The following STAM2 variants were observed in gnomAD, a reference collection of about 807,000 sequenced individuals.
The protein encoded by STAM2 is signal transducing adaptor molecule 2, also known as signal transducing adapter molecule 2.
Under a neutral mutation model 65.6 loss-of-function variants are expected in STAM2, and 51 were observed. The ratio of observed to expected loss-of-function variants is 0.78; its 90% CI spans 0.62 to 0.98. The LOEUF (loss-of-function observed/expected upper bound fraction) is 0.98. STAM2 is among the 50% of genes least tolerant of loss of function. STAM2 has a pLI of 0.00. For missense variants in STAM2, 584 were observed against 617.8 expected, an observed-to-expected ratio of 0.95 and a Z score of 0.58; for synonymous variants, 198 against 208.4, an observed-to-expected ratio of 0.95 and a Z score of 0.43.
intron 1 of STAM2, among the ~76,000 whole-genome samples, chr2:152,164,206 T>C (rs145561153): frequency 1.3e-5 from 2 of 152,308 alleles, no homozygotes; most frequent in South Asian, 2.1e-4. Context: ...GGCCGACACT[T>C]AGGAAAAATA....
chr2:152,117,916 T>C lies in STAM2; in HGVS notation c.*2658A>G, dbSNP rs1260774772. On this transcript the variant is annotated 3_prime_UTR_variant, in exon 14 of 14. Coordinates refer to ENST00000263904, the MANE Select transcript of STAM2 (RefSeq NM_005843.6). Reference sequence around the variant, plus strand: ...AAATAATTTCAAATCCTAACAAATATAATTACCTAATGTTTAAGTAATTTT... The same window carrying C: ...AAATAATTTCAAATCCTAACAAATACAATTACCTAATGTTTAAGTAATTTT... The C allele has an allele frequency of 6.6e-6, 1 of 152,128 alleles. No homozygotes were observed. The highest frequency in any genetic ancestry group is 1.5e-5 in the Non-Finnish European group (1 of 67,992). The allele number at this position is 152,128 out of a possible 1,614,324, so 9.4% of individuals were successfully genotyped here. A position where few individuals can be genotyped will look rare whatever the true frequency, so the allele number is the denominator to read the frequency against.
At chr2:152,121,260 C>T (rs1369396792) in intron 13 of STAM2, among the ~76,000 whole-genome samples, 1 of 152,200 alleles carries the variant, frequency 6.6e-6, no homozygotes, top group Non-Finnish European at 1.5e-5. Flanking sequence ...AGGCATGAGC[C>T]ACCATGCCGA....
intron 11 of STAM2, among the ~76,000 whole-genome samples, chr2:152,130,488 T>C (rs1579313465): frequency 6.6e-6 from 1 of 151,308 alleles, no homozygotes; most frequent in East Asian, 2.0e-4. Context: ...CCTGACCTCA[T>C]GATCCACCCG....
At chr2:152,138,674 T>C (rs1441261793) in intron 7 of STAM2, among the ~76,000 whole-genome samples, 4 of 152,216 alleles carry the variant, frequency 2.6e-5, no homozygotes, top group African/African-American at 4.8e-5. Flanking sequence ...GAAAGAGTTA[T>C]ATATCATCCA....
rs1385872419 is a variant in STAM2, at chr2:152,132,141, A to T, written c.998T>A (p.Ile333Lys). Reference protein sequence around the residue: ...EDICQQMGPMIDEKLEEIDRK... With the variant: ...EDICQQMGPMKDEKLEEIDRK... ...ATCAATTTCTTCAAGTTTTTCATCT[A>T]TCATTGGACCCATCTGTTGGCAGAT... is the stretch of plus-strand genomic sequence containing the variant. Residue 333 changes from isoleucine (I) to lysine (K), a missense_variant, in exon 11 of 14, where the codon ATA becomes AAA. Ile to Lys is a moderately radical substitution (Grantham distance 102). Transcript: ENST00000263904. The T allele has an allele frequency of 6.2e-7, 1 of 1,611,696 alleles. No homozygotes were observed. Among genetic ancestry groups the T allele is most frequent in the Non-Finnish European group, 8.5e-7 (1 of 1,178,694 alleles).
intron 1 of STAM2, among the ~76,000 whole-genome samples, chr2:152,156,368 A>T (rs1019952070): frequency 4.6e-5 from 7 of 152,204 alleles, no homozygotes; most frequent in Admixed American, 1.3e-4. Context: ...TTATGCACTT[A>T]GGAGTATTTT....
chr2:152,173,063 C>T (rs1445217992), intron 1 of STAM2, among the ~76,000 whole-genome samples: 1 of 151,766 alleles, frequency 6.6e-6, no homozygotes, highest in African/African-American at 2.4e-5. Context: ...TTATGTCTCT[C>T]TGTTTCCTCC....
At chr2:152,151,149 CAGAAGAATTTATA>C (rs940727681) in intron 1 of STAM2, among the ~76,000 whole-genome samples, 2 of 147,874 alleles carry the variant, frequency 1.4e-5, no homozygotes, top group African/African-American at 5.0e-5. Flanking sequence ...AAGCTAACAG[CAGAAGAATTTATA>C]ATATTTACAT....
At position 152,119,463 on chromosome 2, in the gene STAM2, T is replaced by G. The variant is rs1688809124; in HGVS notation, c.*1111A>C. ...GGTCAATTTTTTCAACAGCTTGGTATGTTGACAGCTTAGCAACGGTACTTG... is the reference window on the plus strand; with the variant it reads ...GGTCAATTTTTTCAACAGCTTGGTAGGTTGACAGCTTAGCAACGGTACTTG... On this transcript the variant is annotated 3_prime_UTR_variant, in exon 14 of 14. Transcript: ENST00000263904. The G allele has an allele frequency of 6.6e-6, 1 of 152,334 alleles. No homozygotes were observed. Among genetic ancestry groups the G allele is most frequent in the Non-Finnish European group, 1.5e-5 (1 of 68,020 alleles). 9.4% of individuals were successfully genotyped at this position (152,334 alleles called of 1,614,324 possible). A position where few individuals can be genotyped will look rare whatever the true frequency, so the allele number is the denominator to read the frequency against.
At chr2:152,124,679 TA>T (rs1688919500) in intron 12 of STAM2, 1 of 152,232 alleles carries the variant, frequency 6.6e-6, no homozygotes, top group South Asian at 2.1e-4. Flanking sequence ...AATCCAGTTT[TA>T]AATTAAGCTA....
intron 1 of STAM2, among the ~76,000 whole-genome samples, chr2:152,173,076 T>C (rs928017816): frequency 1.2e-4 from 18 of 151,742 alleles, no homozygotes; most frequent in Non-Finnish European, 2.4e-4. Context: ...TTTCCTCCAT[T>C]AGATTGAGAG....
chr2:152,172,605 A>C (rs1414329945), intron 1 of STAM2, among the ~76,000 whole-genome samples: 1 of 152,140 alleles, frequency 6.6e-6, no homozygotes, highest in Non-Finnish European at 1.5e-5. Flanking sequence ...ACAGTGGCTC[A>C]CGCCTGTAAT....
chr2:152,173,172 T>C (rs1689928397), intron 1 of STAM2, among the ~76,000 whole-genome samples: 1 of 149,250 alleles, frequency 6.7e-6, no homozygotes, highest in African/African-American at 2.5e-5. Context: ...AATTATTCAA[T>C]GTATGCCTGC....
At chr2:152,147,905 A>C in intron 4 of STAM2, 119 bp downstream of exon 4, 2 of 781,770 alleles carry the variant, frequency 2.6e-6, no homozygotes, top group Non-Finnish European at 4.1e-6. Flanking sequence ...AGTTTATTTC[A>C]TTTCAATGAT....
At chr2:152,152,560 A>C (rs1689465806) in intron 1 of STAM2, among the ~76,000 whole-genome samples, 1 of 139,602 alleles carries the variant, frequency 7.2e-6, no homozygotes, top group South Asian at 2.3e-4. Context: ...AAAAAAAACA[A>C]CAAAAAAAAA....
chr2:152,167,475 G>A (rs1362204641), intron 1 of STAM2, among the ~76,000 whole-genome samples: 1 of 152,208 alleles, frequency 6.6e-6, no homozygotes, highest in Non-Finnish European at 1.5e-5. Flanking sequence ...GGAAAAGAAT[G>A]TTTCAACAAT....
At chr2:152,160,382 C>A (rs1406181573) in intron 1 of STAM2, among the ~76,000 whole-genome samples, 1 of 151,982 alleles carries the variant, frequency 6.6e-6, no homozygotes, top group African/African-American at 2.4e-5. Context: ...TGCCCTGCCA[C>A]CCCGTCTGGG....
intron 1 of STAM2, among the ~76,000 whole-genome samples, chr2:152,161,835 T>G (rs1351890510): frequency 1.3e-5 from 2 of 152,172 alleles, no homozygotes; most frequent in African/African-American, 4.8e-5. Flanking sequence ...TTTCTTTTTT[T>G]TTTGAGATGG....
rs958053271 is a variant in STAM2, at chr2:152,144,076, G to A, written c.518-63C>T. The A allele has an allele frequency of 2.3e-6, 3 of 1,308,798 alleles. No individual in the cohort carries two copies. The Admixed American group carries it at 7.3e-5, about 32-fold the overall frequency. The allele number at this position is 1,308,798 out of a possible 1,614,324, so 81.1% of individuals were successfully genotyped here. On this transcript the variant is annotated intron_variant, in intron 6 of 13. Transcript: ENST00000263904. ...AATTTTGATAAAATAAACATTAGAT[G>A]ACAATGTAAAATTTAATAAGAATAA... is the stretch of plus-strand genomic sequence containing the variant.
Sources: allele counts gnomAD v4.1 joint callset (sites outside exome capture counted in the v4.1 genomes callset), GRCh38; gene constraint gnomAD v4.1.1; transcripts MANE v1.5; gene names NCBI Gene and HGNC (gene_info 2026-07-23, HGNC 2026-07-21).